Variants in CHPF observed in about 807,000 individuals in gnomAD.
CHPF encodes chondroitin polymerizing factor, non-catalytic subunit.
In CHPF, 34 loss-of-function variants were observed where a neutral mutation model predicts 55.1. The observed-to-expected ratio is 0.62, with a 90% confidence interval of 0.47 to 0.82. The LOEUF (loss-of-function observed/expected upper bound fraction) is 0.82. CHPF is among the 40% of genes least tolerant of loss of function. CHPF has a pLI of 0.00. For synonymous variants in CHPF, 489 were observed against 496.6 expected, an observed-to-expected ratio of 0.98 and a Z score of 0.20; for missense variants, 961 against 1,106.1, an observed-to-expected ratio of 0.87 and a Z score of 1.86.
At chr2:219,541,165 T>C (rs1348007570) in intron 2 of CHPF, 40 bp from the exon 3 acceptor site, 4 of 1,508,922 alleles carry the variant, frequency 2.7e-6, no homozygotes, top group African/African-American at 1.4e-5. Flanking sequence ...TGAGCTGGCA[T>C]TGTCTTCCGT....
At chr2:219,541,386 C>T in intron 2 of CHPF, 1 of 551,320 alleles carries the variant, frequency 1.8e-6, no homozygotes, top group Non-Finnish European at 3.1e-6. Flanking sequence ...GTACAAGGCT[C>T]CCTGATTTTT....
chr2:219,543,332 C>T lies in CHPF; in HGVS notation c.207G>A (p.Ala69=), dbSNP rs1396356719. Residue 69 remains alanine, a synonymous_variant, in exon 1 of 4, where the codon GCG becomes GCA. Coordinates refer to ENST00000243776, the MANE Select transcript of CHPF (RefSeq NM_024536.6). The stretch of plus-strand genomic sequence containing the variant: ...CGCCGGCCCCGGGCTTCTCGCGCTC[C>T]GCTCCGGGCTGCACCGAGTTGGGCC... The part of the protein sequence containing the change: ...ARRPNSVQPG[A]EREKPGAGEG... 3.6e-5 allele frequency: 56 copies of T among 1,570,412 alleles called. No individual in the cohort carries two copies. The highest frequency in any genetic ancestry group is 4.6e-5 in the Non-Finnish European group (54 of 1,168,340).
chr2:219,542,212 C>T, intron 1 of CHPF, 23 bp from the exon 2 acceptor site: 3 of 1,197,038 alleles, frequency 2.5e-6, no homozygotes, highest in Non-Finnish European at 2.1e-6. Context: ...ATGGCACAAG[C>T]TTATCAAAAG....
Position 219,539,537 on chromosome 2 carries a change from G to T in CHPF, c.2174C>A (p.Pro725Gln). The T allele has an allele frequency of 4.3e-6, 7 of 1,613,842 alleles. No individual in the cohort carries two copies. Among genetic ancestry groups the T allele is most frequent in the Non-Finnish European group, 5.9e-6 (7 of 1,179,936 alleles). Reference sequence around the variant, plus strand: ...GGCCCGGTAGCGCTGCAGCAGCGCCGGCTCCACCGCCCGCAGCACATGCAG... The same window carrying T: ...GGCCCGGTAGCGCTGCAGCAGCGCCTGCTCCACCGCCCGCAGCACATGCAG... ...SSLHVLRAVE[P>Q]ALLQRYRAQT... Residue 725 changes from proline (P) to glutamine (Q), a missense_variant, in exon 4 of 4, where the codon CCG becomes CAG. Pro to Gln is a moderately conservative substitution (Grantham distance 76). Around this residue, in one of 3 missense-constraint regions of CHPF, gnomAD observed 936 missense variants for 1,058.4 expected, o/e 0.88. Transcript: ENST00000243776.
rs142017345 is a variant in CHPF, at chr2:219,541,652, G to C, written c.852C>G (p.Leu284=). 1.3e-6 allele frequency: 2 copies of C among 1,596,100 alleles called. No individual in the cohort carries two copies. The highest frequency in any genetic ancestry group is 1.7e-6 in the Non-Finnish European group (2 of 1,168,394). ...RPDEWLGRCI[L]DATGVGCTGD... is the part of the protein sequence containing the mutation. The stretch of plus-strand genomic sequence containing the variant: ...CAGTGCAGCCCACCCCGGTGGCATC[G>C]AGAATGCAGCGACCCAGCCACTCGT... Residue 284 remains leucine (L), a synonymous_variant, in exon 2 of 4, where the codon CTC becomes CTG. Coordinates refer to ENST00000243776, the MANE Select transcript of CHPF (RefSeq NM_024536.6).
chr2:219,543,183 G>A (rs753304104), intron 1 of CHPF, 42 bp downstream of exon 1: 2 of 1,398,926 alleles, frequency 1.4e-6, no homozygotes, highest in South Asian at 1.6e-5. Context: ...CGCGCTTCCC[G>A]GCCGCTGCCC....
In CHPF at chr2:219,543,528, G is replaced by A. The variant is rs1695323653; in HGVS notation, c.11C>T (p.Ser4Leu). 7.5e-7 allele frequency: 1 copy of A among 1,338,586 alleles called. No individual in the cohort carries two copies. The highest frequency in any genetic ancestry group is 1.5e-5 in the African/African-American group (1 of 64,980). 82.9% of individuals were successfully genotyped at this position (1,338,586 alleles called of 1,614,324 possible). Residue 4 changes from serine to leucine, a missense_variant, in exon 1 of 4, where the codon TCG becomes TTG. This residue lies in a region of CHPF where 19 missense variants were observed against 22.5 expected (regional missense o/e 0.85). Transcript: ENST00000243776. ...GGGCCGCAGCACCGACAGCAGCAGC[G>A]ATGCCCGCATGGCGCCCGGACCGCG... The part of the protein sequence containing the change: MRA[S>L]LLLSVLRPAG...
rs1196325007 is a variant in CHPF at position 219,539,300 on chromosome 2, G to A, written c.*83C>T. The A allele has an allele frequency of 1.8e-5, 25 of 1,387,944 alleles. No individual in the cohort carries two copies. The South Asian group carries it at 3.0e-4, about 17-fold the overall frequency. The allele number at this position is 1,387,944 out of a possible 1,614,324, so 86.0% of individuals were successfully genotyped here. ...GTCTGGCTACGGCCAGCCCTGCCCA[G>A]CGAGGCTGGCAGGTGGCTCTGGTTT... On this transcript the variant is annotated 3_prime_UTR_variant, in exon 4 of 4. Coordinates refer to ENST00000243776, the MANE Select transcript of CHPF (RefSeq NM_024536.6).
Position 219,539,312 on chromosome 2 carries a change from G to A in CHPF, c.*71C>T. 2 of 1,454,378 alleles carry A rather than the reference G, an allele frequency of 1.4e-6. No individual in the cohort carries two copies. The highest frequency in any genetic ancestry group is 1.3e-5 in the South Asian group (1 of 75,134). 90.1% of individuals were successfully genotyped at this position (1,454,378 alleles called of 1,614,324 possible). A position where few individuals can be genotyped will look rare whatever the true frequency, so the allele number is the denominator to read the frequency against. On this transcript the variant is annotated 3_prime_UTR_variant, in exon 4 of 4. Transcript: ENST00000243776. ...CCAGCCCTGCCCAGCGAGGCTGGCAGGTGGCTCTGGTTTTGGGGGAGAAGT... is the reference window on the plus strand; with the variant it reads ...CCAGCCCTGCCCAGCGAGGCTGGCAAGTGGCTCTGGTTTTGGGGGAGAAGT...
chr2:219,542,912 C>T (rs1352025347), intron 1 of CHPF: 3 of 1,184,894 alleles, frequency 2.5e-6, no homozygotes, highest in Non-Finnish European at 3.1e-6. Flanking sequence ...TATACACTCA[C>T]CCTATATATA....
Position 219,542,183 on chromosome 2 carries a change from G to T in CHPF, c.321C>A (p.Arg107=). The T allele has an allele frequency of 2.4e-6, 3 of 1,228,992 alleles. No individual in the cohort carries two copies. Among genetic ancestry groups the T allele is most frequent in the Non-Finnish European group, 3.1e-6 (3 of 962,604 alleles). 76.1% of individuals were successfully genotyped at this position (1,228,992 alleles called of 1,614,324 possible). The change falls in exon 2 of 4, where the codon CGC becomes CGA. Residue 107 remains arginine, a synonymous_variant. Transcript: ENST00000243776. ...GQAAKKAVRT[R]YISTELGIRQ... ...TGATGCCCAGCTCCGTGCTGATGTA[G>T]CGGGTCCTAGGGGAGGAGATGGCAC...
In CHPF at chr2:219,543,243, G is replaced by T; in HGVS notation, c.296C>A (p.Ala99Asp). Residue 99 changes from alanine to aspartate, a missense_variant, in exon 1 of 4, where the codon GCC becomes GAC. Ala to Asp is a moderately radical substitution (Grantham distance 126, BLOSUM62 -2). This residue lies in a region of CHPF where 936 missense variants were observed against 1,058.4 expected (regional missense o/e 0.88). Coordinates refer to ENST00000243776, the MANE Select transcript of CHPF (RefSeq NM_024536.6). Reference sequence around the variant, plus strand: ...TCACTACCTGACGGCCTTTTTGGCGGCCTGGCCGGGCTGTGCAGGGTGGTA... The same window carrying T: ...TCACTACCTGACGGCCTTTTTGGCGTCCTGGCCGGGCTGTGCAGGGTGGTA... The part of the protein sequence containing the change: ...LPYHPAQPGQ[A>D]AKKAVRTRYI... The T allele has an allele frequency of 1.9e-6, 3 of 1,557,034 alleles. No homozygotes were observed. Among genetic ancestry groups the T allele is most frequent in the Non-Finnish European group, 2.6e-6 (3 of 1,161,888 alleles).
Position 219,543,681 on chromosome 2 carries a change from C to T in CHPF, c.-143G>A. 1.9e-6 allele frequency: 1 copy of T among 537,758 alleles called. No homozygotes were observed. Among genetic ancestry groups the T allele is most frequent in the Non-Finnish European group, 2.9e-6 (1 of 342,824 alleles). 33.3% of individuals were successfully genotyped at this position (537,758 alleles called of 1,614,324 possible). On this transcript the variant is annotated 5_prime_UTR_variant, in exon 1 of 4. Coordinates refer to ENST00000243776, the MANE Select transcript of CHPF (RefSeq NM_024536.6). Reference sequence around the variant, plus strand: ...CCGCTCCCTCCCCGCAGAGCAGAGCCAGCGGCCCGAGCCGAATCCCCGGAG... The same window carrying T: ...CCGCTCCCTCCCCGCAGAGCAGAGCTAGCGGCCCGAGCCGAATCCCCGGAG...
In CHPF at chr2:219,541,198, C is replaced by T. The variant is rs1289015697; in HGVS notation, c.889-73G>A. The T allele has an allele frequency of 4.4e-6, 6 of 1,375,890 alleles. No homozygotes were observed. The Admixed American group carries it at 8.3e-5, about 19-fold the overall frequency. 85.2% of individuals were successfully genotyped at this position (1,375,890 alleles called of 1,614,324 possible). A position where few individuals can be genotyped will look rare whatever the true frequency, so the allele number is the denominator to read the frequency against. On this transcript the variant is annotated intron_variant, in intron 2 of 3. Coordinates refer to ENST00000243776, the MANE Select transcript of CHPF (RefSeq NM_024536.6). ...CGTTGTCTCATAGTAAGTGTCTCATCTCCTCAGCCTATGACCTGTTGTGGA... is the reference window on the plus strand; with the variant it reads ...CGTTGTCTCATAGTAAGTGTCTCATTTCCTCAGCCTATGACCTGTTGTGGA...
At chr2:219,542,833 C>A in intron 1 of CHPF, 1 of 952,892 alleles carries the variant, frequency 1.0e-6, no homozygotes, top group South Asian at 4.9e-5. Flanking sequence ...CTGAGGTGGC[C>A]CTTGTAACCC....
chr2:219,542,228 C>T (rs1268701909), intron 1 of CHPF, 39 bp from the exon 2 acceptor site: 5 of 746,388 alleles, frequency 6.7e-6, no homozygotes, highest in Non-Finnish European at 8.6e-6. Context: ...AAAAGGACAA[C>T]GGGGCGGGGG....
intron 2 of CHPF, 116 bp from the exon 3 acceptor site, chr2:219,541,241 T>TGG (rs1695263817): frequency 2.0e-6 from 2 of 1,013,026 alleles, no homozygotes; most frequent in Non-Finnish European, 2.8e-6. Context: ...TCTGAGGGTT[T>TGG]AAGTCTACCT....
rs776122883 is a variant in CHPF, at chr2:219,540,276, G to A, written c.1435C>T (p.Arg479Trp). Residue 479 changes from arginine to tryptophan, a missense_variant, in exon 4 of 4, where the codon CGG becomes TGG. This residue lies in a region of CHPF where 936 missense variants were observed against 1,058.4 expected (regional missense o/e 0.88). Transcript: ENST00000243776. ...AGCTGCACTCGGCGAGTGAGGGGCC[G>A]GCGGCCTCCCTGGGGGGTCAGTGCC... ...LEALTPQGGRRPLTRRVQLLR... is the reference protein window; with the variant it reads ...LEALTPQGGRWPLTRRVQLLR... The A allele has an allele frequency of 5.9e-5, 96 of 1,613,632 alleles. No homozygotes were observed. Among genetic ancestry groups the A allele is most frequent in the Admixed American group, 8.3e-5 (5 of 60,002 alleles).
chr2:219,542,617 T>C lies in CHPF; in HGVS notation c.315-428A>G, dbSNP rs527521228. On this transcript the variant is annotated intron_variant, in intron 1 of 3. Transcript: ENST00000243776. ...CCACAAATGCCTCACATAAATGACA[T>C]AAAGGAACGTTTGGCATAGGGGTGT... Among the ~76,000 whole-genome samples the C allele has an allele frequency of 2.0e-5, 3 of 152,288 alleles. No homozygotes were observed. The South Asian group carries it at 6.2e-4, about 32-fold the overall frequency.
Sources: allele counts gnomAD v4.1 joint callset (sites outside exome capture counted in the v4.1 genomes callset), GRCh38; gene constraint gnomAD v4.1.1; regional missense constraint gnomAD v4.1.1; transcripts MANE v1.5; gene names NCBI Gene and HGNC (gene_info 2026-07-23, HGNC 2026-07-21).